The following GYS2 variants were observed in gnomAD, a reference collection of about 807,000 sequenced individuals.
The protein encoded by GYS2 is glycogen [starch] synthase, liver.
In GYS2, 80 loss-of-function variants were observed where a neutral mutation model predicts 85.6. The observed-to-expected ratio is 0.93, with a 90% CI of 0.78 to 1.13. The LOEUF is 1.13. Ranked by LOEUF, GYS2 falls within the 50% of genes most tolerant of loss-of-function variation. GYS2 has a pLI of 0.00. For missense variants in GYS2, 881 were observed against 854.9 expected, an observed-to-expected ratio of 1.03 and a Z score of -0.38; for synonymous variants, 328 against 300.7, an observed-to-expected ratio of 1.09 and a Z score of -0.94.
intron 11 of GYS2, among the ~76,000 whole-genome samples, chr12:21,548,217 T>A (rs1565593999): frequency 1.3e-5 from 2 of 152,124 alleles, no homozygotes; most frequent in Admixed American, 6.5e-5. Flanking sequence ...GGAGAAAATT[T>A]TTTTTTTGCC....
chr12:21,559,796 CATT>C, intron 8 of GYS2, 86 bp from the exon 9 acceptor site: 1 of 54,298 alleles, frequency 1.8e-5, no homozygotes, highest in Admixed American at 3.2e-4. Context: ...GTTTTGTTGA[CATT>C]CTTTGAAATT....
chr12:21,591,102 A>G (rs1181620359), intron 1 of GYS2, among the ~76,000 whole-genome samples: 2 of 152,090 alleles, frequency 1.3e-5, no homozygotes, highest in African/African-American at 4.8e-5. Flanking sequence ...GACACTTCCA[A>G]AGGAATTTAA....
intron 13 of GYS2, among the ~76,000 whole-genome samples, chr12:21,541,085 C>CA (rs1263013651): frequency 1.3e-5 from 2 of 151,792 alleles, no homozygotes; most frequent in Non-Finnish European, 2.9e-5. Flanking sequence ...CCAACCTGGG[C>CA]AACCTGGGGA....
intron 11 of GYS2, among the ~76,000 whole-genome samples, chr12:21,553,816 T>C (rs369024731): frequency 4.4e-5 from 4 of 91,030 alleles, no homozygotes; most frequent in South Asian, 3.9e-4. Context: ...CACACACACA[T>C]AAAATAGGCT....
At chr12:21,591,958 A>G (rs112233687) in intron 1 of GYS2, among the ~76,000 whole-genome samples, 1 of 152,160 alleles carries the variant, frequency 6.6e-6, no homozygotes, top group African/African-American at 2.4e-5. Context: ...GGAATTCACT[A>G]TCACTAGACT....
chr12:21,544,156 T>C (rs1944011178), intron 12 of GYS2, among the ~76,000 whole-genome samples: 1 of 152,184 alleles, frequency 6.6e-6, no homozygotes, highest in Non-Finnish European at 1.5e-5. Context: ...ATTAGCAAGT[T>C]ATCTAATATG....
intron 5 of GYS2, among the ~76,000 whole-genome samples, chr12:21,567,527 T>C (rs913388149): frequency 3.3e-5 from 5 of 149,378 alleles, no homozygotes; most frequent in Non-Finnish European, 7.4e-5. Context: ...TCTTGTTCTA[T>C]CTTGTTTTTT....
At chr12:21,541,287 A>AAC (rs1412517869) in intron 13 of GYS2, among the ~76,000 whole-genome samples, 7 of 135,804 alleles carry the variant, frequency 5.2e-5, no homozygotes, top group Non-Finnish European at 1.1e-4. Context: ...AAAAAAAAAA[A>AAC]AAAACAAAAA....
chr12:21,598,676 G>C (rs1944721964), intron 1 of GYS2, among the ~76,000 whole-genome samples: 1 of 152,044 alleles, frequency 6.6e-6, no homozygotes, highest in Admixed American at 6.6e-5. Flanking sequence ...AAACCAAGGA[G>C]ATTTACATAC....
chr12:21,601,426 G>GTC (rs1944755422), intron 1 of GYS2, among the ~76,000 whole-genome samples: 1 of 152,054 alleles, frequency 6.6e-6, no homozygotes, highest in Non-Finnish European at 1.5e-5. Flanking sequence ...GTCCCTGCAG[G>GTC]TCTCTCCCAT....
chr12:21,567,812 C>T (rs1477812678), intron 5 of GYS2, among the ~76,000 whole-genome samples: 3 of 152,122 alleles, frequency 2.0e-5, no homozygotes, highest in African/African-American at 7.2e-5. Context: ...CGGTAGCTCA[C>T]ACATGTAATC....
intron 1 of GYS2, among the ~76,000 whole-genome samples, chr12:21,582,217 G>T (rs1759347685): frequency 6.6e-6 from 1 of 152,188 alleles, no homozygotes; most frequent in Non-Finnish European, 1.5e-5. Flanking sequence ...ACTGAAGGAT[G>T]CAAAGTAATG....
chr12:21,580,746 G>A (rs898338934), intron 1 of GYS2, among the ~76,000 whole-genome samples: 19 of 152,138 alleles, frequency 1.2e-4, no homozygotes, highest in African/African-American at 4.6e-4. Flanking sequence ...GTCCCTTCTA[G>A]GTGCATGTGA....
At chr12:21,593,159 A>G (rs1944658035) in intron 1 of GYS2, among the ~76,000 whole-genome samples, 1 of 151,914 alleles carries the variant, frequency 6.6e-6, no homozygotes, top group East Asian at 1.9e-4. Context: ...TTATCAATAA[A>G]CACTTAAATT....
At chr12:21,566,295 G>A (rs1408551550) in intron 5 of GYS2, among the ~76,000 whole-genome samples, 1 of 151,812 alleles carries the variant, frequency 6.6e-6, no homozygotes, top group African/African-American at 2.4e-5. Context: ...ACTTTTAATC[G>A]GGGAAGACTT....
chr12:21,559,547 T>C (rs1944225668), intron 9 of GYS2, 104 bp downstream of exon 9: 1 of 745,522 alleles, frequency 1.3e-6, no homozygotes, highest in Admixed American at 2.1e-5. Flanking sequence ...GGTTATTAAT[T>C]CCTTGATATT....
Position 21,539,403 on chromosome 12 carries a change from T to G in GYS2, c.1810-65A>C, listed in dbSNP as rs775327224. ...TTAGATATCTCAATAATCAAGTTAT[T>G]AAATAAGGCCTTATTCTCCTAGTTC... On this transcript the variant is annotated intron_variant, in intron 14 of 15. Coordinates refer to ENST00000261195, the MANE Select transcript of GYS2 (RefSeq NM_021957.4). 5.5e-4 allele frequency: 477 copies of G among 864,474 alleles called. 2 individuals are homozygous for G. The highest frequency in any genetic ancestry group is 8.8e-4 in the Non-Finnish European group (439 of 500,476). 53.6% of individuals were successfully genotyped at this position (864,474 alleles called of 1,614,324 possible). A position where few individuals can be genotyped will look rare whatever the true frequency, so the allele number is the denominator to read the frequency against.
At chr12:21,593,630 C>T (rs1944663884) in intron 1 of GYS2, among the ~76,000 whole-genome samples, 1 of 151,844 alleles carries the variant, frequency 6.6e-6, no homozygotes, top group Non-Finnish European at 1.5e-5. Flanking sequence ...AGTAAAAAGT[C>T]TCCCAAAAAA....
chr12:21,548,935 G>T (rs1251751581), intron 11 of GYS2, among the ~76,000 whole-genome samples: 1 of 152,014 alleles, frequency 6.6e-6, no homozygotes, highest in Non-Finnish European at 1.5e-5. Flanking sequence ...GGCCTTGGTG[G>T]CAGTGAGAGT....
Sources: gnomAD v4.1 joint callset for allele counts (sites outside exome capture counted in the v4.1 genomes callset) on GRCh38, gnomAD v4.1.1 for gene constraint, MANE v1.5 for transcripts, NCBI Gene and HGNC (gene_info 2026-07-23, HGNC 2026-07-21) for gene names.